Variants in SORCS2 observed in about 807,000 individuals in gnomAD.
The protein encoded by SORCS2 is VPS10 domain-containing receptor SorCS2.
SORCS2 carries 100 observed loss-of-function variants against 141.6 expected under a neutral mutation model. That is an observed-to-expected ratio of 0.71 (90% confidence interval 0.60 to 0.83). The LOEUF (loss-of-function observed/expected upper bound fraction) is 0.83, where lower values mean the gene tolerates loss of function less well. Among genes scored for constraint, SORCS2 ranks in the 40% least tolerant of loss-of-function variants. The probability of loss-of-function intolerance (pLI) is 0.00; values close to 1 mark genes in which losing one functional copy is unlikely to be tolerated. For missense variants in SORCS2, 1,646 were observed against 1,560.2 expected (o/e 1.05, Z -0.93); for synonymous variants, 789 against 676.9 (o/e 1.17, Z -2.57).
chr4:7,727,750 C>A (rs1480620493), intron 21 of SORCS2, among the ~76,000 whole-genome samples: 1 of 152,216 alleles, frequency 6.6e-6, no homozygotes, highest in Non-Finnish European at 1.5e-5. Flanking sequence ...TCCCACTTTA[C>A]ATGTGAGAAA....
Position 7,324,856 on chromosome 4 carries a change from G to A in SORCS2, c.481-71432G>A, listed in dbSNP as rs74817733. On this transcript the variant is annotated intron_variant, in intron 1 of 26. Transcript: ENST00000507866. The stretch of plus-strand genomic sequence containing the variant: ...GTCATTTTCCTTTCAAACCGAGGGC[G>A]GTTTTGTCACTTCCCCAGTCGATGC... 2.7e-3 allele frequency among the ~76,000 whole-genome samples: 416 copies of A among 152,326 alleles called. 3 individuals carry two copies. The highest frequency in any genetic ancestry group is 9.6e-3 in the African/African-American group (401 of 41,568).
intron 1 of SORCS2, among the ~76,000 whole-genome samples, chr4:7,388,686 C>T (rs147733588): frequency 2.0e-5 from 3 of 152,112 alleles, no homozygotes; most frequent in African/African-American, 2.4e-5. Flanking sequence ...ACGAAACTCA[C>T]CTCTTTAGCC....
At chr4:7,474,802 C>T (rs942186281) in intron 2 of SORCS2, among the ~76,000 whole-genome samples, 2 of 152,178 alleles carry the variant, frequency 1.3e-5, no homozygotes, top group Non-Finnish European at 2.9e-5. Context: ...GACATTTATC[C>T]TCTACAGCTC....
At chr4:7,297,632 C>T (rs888083377) in intron 1 of SORCS2, among the ~76,000 whole-genome samples, 1 of 152,220 alleles carries the variant, frequency 6.6e-6, no homozygotes, top group Non-Finnish European at 1.5e-5. Flanking sequence ...TTCCTAGATC[C>T]TCGTCTGAAG....
chr4:7,581,967 G>C (rs370877841), intron 3 of SORCS2, among the ~76,000 whole-genome samples: 2 of 151,888 alleles, frequency 1.3e-5, no homozygotes, highest in African/African-American at 4.8e-5. Flanking sequence ...TTTATACTCT[G>C]AATTTTTATC....
chr4:7,436,035 G>C (rs1238303888), intron 2 of SORCS2, among the ~76,000 whole-genome samples: 1 of 152,246 alleles, frequency 6.6e-6, no homozygotes, highest in African/African-American at 2.4e-5. Flanking sequence ...AATAGTGCAG[G>C]GTGCTTCCCG....
At chr4:7,364,865 C>T (rs796606374) in intron 1 of SORCS2, among the ~76,000 whole-genome samples, 27 of 152,312 alleles carry the variant, frequency 1.8e-4, no homozygotes, top group African/African-American at 3.4e-4. Context: ...GCATTCATAA[C>T]GGGGGCACTT....
chr4:7,260,435 T>TG (rs143734390), intron 1 of SORCS2, among the ~76,000 whole-genome samples: 1,623 of 152,288 alleles, frequency 0.011, 14 homozygotes, highest in Non-Finnish European at 0.017. Flanking sequence ...GATCCATCAA[T>TG]GGATTGACTG....
rs532363644 is a variant in SORCS2 at position 7,698,172 on chromosome 4, G to T, written c.1668+898G>T. Among the ~76,000 whole-genome samples, 60 of 152,316 alleles carry T rather than the reference G, an allele frequency of 3.9e-4. 1 individual carries two copies. In the Middle Eastern group the frequency reaches 0.014, roughly 35 times the overall value. ...GAACATGGTCTTTCTGGCTGAAGCT[G>T]GCCTGCCAACCTCATGGAGTGGCAG... On this transcript the variant is annotated intron_variant, in intron 12 of 26. Transcript: ENST00000507866.
intron 14 of SORCS2, among the ~76,000 whole-genome samples, chr4:7,705,269 G>T (rs1015624692): frequency 6.6e-6 from 1 of 152,092 alleles, no homozygotes; most frequent in African/African-American, 2.4e-5. Context: ...GGAAGCCTCC[G>T]CCTCTAGAGC....
chr4:7,587,786 G>A (rs1223853972), intron 3 of SORCS2, among the ~76,000 whole-genome samples: 1 of 152,148 alleles, frequency 6.6e-6, no homozygotes, highest in East Asian at 1.9e-4. Flanking sequence ...TCCAGCTGCA[G>A]GGCCTGTCAG....
intron 1 of SORCS2, among the ~76,000 whole-genome samples, chr4:7,350,522 C>T (rs769577299): frequency 2.4e-4 from 37 of 152,362 alleles, no homozygotes; most frequent in Middle Eastern, 6.8e-3. Context: ...GCTGGGCCTG[C>T]AGCTCCTGGC....
At chr4:7,397,925 T>G (rs953278585) in intron 2 of SORCS2, among the ~76,000 whole-genome samples, 1 of 152,208 alleles carries the variant, frequency 6.6e-6, no homozygotes, top group East Asian at 1.9e-4. Flanking sequence ...TGTCAAGTGC[T>G]GGGCTGCAGT....
At chr4:7,488,162 T>G (rs1731107221) in intron 2 of SORCS2, among the ~76,000 whole-genome samples, 1 of 152,218 alleles carries the variant, frequency 6.6e-6, no homozygotes, top group African/African-American at 2.4e-5. Flanking sequence ...CAGTCTGCCA[T>G]GGTCTCAGGC....
At chr4:7,348,662 C>T (rs540917578) in intron 1 of SORCS2, among the ~76,000 whole-genome samples, 1 of 152,336 alleles carries the variant, frequency 6.6e-6, no homozygotes, top group Non-Finnish European at 1.5e-5. Context: ...AGAGATTCTC[C>T]TGCCTCAGCC....
At chr4:7,510,882 C>A (rs1462826077) in intron 2 of SORCS2, among the ~76,000 whole-genome samples, 1 of 152,234 alleles carries the variant, frequency 6.6e-6, no homozygotes, top group Non-Finnish European at 1.5e-5. Context: ...GGCCGCCTGA[C>A]TTCACACTTT....
At chr4:7,563,240 T>G (rs865909763) in intron 3 of SORCS2, among the ~76,000 whole-genome samples, 1 of 152,110 alleles carries the variant, frequency 6.6e-6, no homozygotes, top group Non-Finnish European at 1.5e-5. Context: ...GTTGAGGGAC[T>G]CTTCAAACAA....
chr4:7,224,506 C>A (rs1728886924), intron 1 of SORCS2, among the ~76,000 whole-genome samples: 1 of 152,194 alleles, frequency 6.6e-6, no homozygotes, highest in Non-Finnish European at 1.5e-5. Context: ...GCTGCTTCTG[C>A]CCACACCTGT....
At chr4:7,251,765 C>A (rs1023104653) in intron 1 of SORCS2, among the ~76,000 whole-genome samples, 1 of 152,160 alleles carries the variant, frequency 6.6e-6, no homozygotes, top group African/African-American at 2.4e-5. Flanking sequence ...CCAGAACCCC[C>A]ACCATGTGAC....
Sources: allele counts gnomAD v4.1 joint callset (sites outside exome capture counted in the v4.1 genomes callset), GRCh38; gene constraint gnomAD v4.1.1; transcripts MANE v1.5; gene names NCBI Gene and HGNC (gene_info 2026-07-23, HGNC 2026-07-21).